The following PLXNC1 variants were observed in gnomAD, a reference collection of about 807,000 sequenced individuals.
PLXNC1 encodes plexin C1, also known as plexin-C1.
PLXNC1 carries 75 observed loss-of-function variants against 178.2 expected under a neutral mutation model. The ratio of observed to expected loss-of-function variants is 0.42; its 90% CI spans 0.35 to 0.51. The LOEUF (loss-of-function observed/expected upper bound fraction) is 0.51. PLXNC1 is among the 20% of genes least tolerant of loss of function. PLXNC1 has a pLI of 0.02. For missense variants in PLXNC1, 1,503 were observed against 1,984.4 expected (o/e 0.76, Z 4.61); for synonymous variants, 790 against 779.9 (o/e 1.01, Z -0.22).
At chr12:94,262,978 G>C (rs1965040519) in intron 20 of PLXNC1, among the ~76,000 whole-genome samples, 1 of 152,148 alleles carries the variant, frequency 6.6e-6, no homozygotes, top group African/African-American at 2.4e-5. Flanking sequence ...TGCTACTGTG[G>C]GACAGCACCA....
chr12:94,234,685 C>T (rs780166604), intron 9 of PLXNC1, among the ~76,000 whole-genome samples: 30 of 152,136 alleles, frequency 2.0e-4, no homozygotes, highest in African/African-American at 6.5e-4. Flanking sequence ...AGGAATCCCA[C>T]GATAGGGCTC....
chr12:94,256,969 A>G (rs919818042), intron 17 of PLXNC1, among the ~76,000 whole-genome samples: 5 of 152,202 alleles, frequency 3.3e-5, no homozygotes, highest in Non-Finnish European at 5.9e-5. Flanking sequence ...AACAACTGGG[A>G]AAGTCATAAA....
intron 4 of PLXNC1, among the ~76,000 whole-genome samples, chr12:94,198,660 C>T (rs1246016954): frequency 6.6e-6 from 1 of 152,190 alleles, no homozygotes; most frequent in Non-Finnish European, 1.5e-5. Context: ...CAGAGCCGGG[C>T]TCCCTCTGGA....
intron 4 of PLXNC1, among the ~76,000 whole-genome samples, chr12:94,199,560 T>C (rs989697842): frequency 6.6e-6 from 1 of 152,120 alleles, no homozygotes; most frequent in African/African-American, 2.4e-5. Context: ...TGGAAGGGAT[T>C]TGGGGGGCTT....
chr12:94,220,159 C>A lies in PLXNC1; in HGVS notation c.1698C>A (p.Tyr566Ter). The stretch of plus-strand genomic sequence containing the variant: ...GTAGCATCCCAACCAGAGCAACCTA[C>A]AAAGGTATGTGGATTCTTCTGGGTT... ...CTCSIPTRAT[Y>*]KDVSVVNVMF... The change falls in exon 6 of 31, where the codon TAC becomes TAA. Residue 566 changes from tyrosine (Y) to a stop codon, truncating the protein, a stop_gained. Transcript: ENST00000258526. LOFTEE classifies it high-confidence loss of function. The A allele has an allele frequency of 6.2e-7, 1 of 1,613,188 alleles. No homozygotes were observed. The highest frequency in any genetic ancestry group is 8.5e-7 in the Non-Finnish European group (1 of 1,179,502).
chr12:94,220,331 C>T (rs1963759697), intron 6 of PLXNC1, among the ~76,000 whole-genome samples, 168 bp downstream of exon 6: 1 of 152,130 alleles, frequency 6.6e-6, no homozygotes. Flanking sequence ...TCTGGTTTAC[C>T]TCATTCATTT....
intron 20 of PLXNC1, among the ~76,000 whole-genome samples, chr12:94,263,285 C>A (rs1047247711): frequency 6.6e-6 from 1 of 151,612 alleles, no homozygotes; most frequent in African/African-American, 2.4e-5. Flanking sequence ...CTCTGTAGGT[C>A]TAGAGTGGAG....
In PLXNC1 at chr12:94,305,170, A is replaced by T. The variant is rs1221353284; in HGVS notation, c.4603-11A>T. ...CACAATATCTAAAATAACTGTTCTAATTGTCAACAGATTCTAAATAAACTA... is the reference window on the plus strand; with the variant it reads ...CACAATATCTAAAATAACTGTTCTATTTGTCAACAGATTCTAAATAAACTA... On this transcript the variant is annotated splice_polypyrimidine_tract_variant and intron_variant, in intron 30 of 30. Coordinates refer to ENST00000258526, the MANE Select transcript of PLXNC1 (RefSeq NM_005761.3). The T allele has an allele frequency of 6.4e-7, 1 of 1,556,632 alleles. No individual in the cohort carries two copies. The highest frequency in any genetic ancestry group is 8.8e-7 in the Non-Finnish European group (1 of 1,131,516).
intron 1 of PLXNC1, among the ~76,000 whole-genome samples, chr12:94,164,489 C>T (rs572302496): frequency 5.3e-5 from 8 of 152,202 alleles, no homozygotes; most frequent in Admixed American, 2.0e-4. Context: ...AGGGGCAGGG[C>T]CAAGCTGTGG....
At chr12:94,246,999 C>T (rs969290964) in intron 12 of PLXNC1, among the ~76,000 whole-genome samples, 5 of 152,138 alleles carry the variant, frequency 3.3e-5, no homozygotes, top group African/African-American at 1.2e-4. Context: ...AACCCACCAG[C>T]CTCCTCTGCC....
intron 5 of PLXNC1, among the ~76,000 whole-genome samples, chr12:94,217,999 A>C (rs1963692446): frequency 6.6e-6 from 1 of 152,216 alleles, no homozygotes; most frequent in African/African-American, 2.4e-5. Context: ...GAAACTTTAA[A>C]AGAGTTGGTG....
rs1969198487 is a variant in PLXNC1, at chr12:94,307,659, ATTTTGATG to A, written c.*2376_*2383del. On this transcript the variant is annotated 3_prime_UTR_variant, in exon 31 of 31. Transcript: ENST00000258526. ...AAATGTCTATATCCAAAAAATAAAC[ATTTTGATG>A]TAACTGTGGACTGTCTTTTTTTTTT... 1 of 147,890 alleles carries A rather than the reference ATTTTGATG, an allele frequency of 6.8e-6. No homozygotes were observed. Among genetic ancestry groups the A allele is most frequent in the Non-Finnish European group, 1.5e-5 (1 of 67,278 alleles). The allele number at this position is 147,890 out of a possible 1,614,324, so 9.2% of individuals were successfully genotyped here. A position where few individuals can be genotyped will look rare whatever the true frequency, so the allele number is the denominator to read the frequency against.
chr12:94,225,226 G>A (rs760691664), intron 7 of PLXNC1, among the ~76,000 whole-genome samples: 8 of 152,238 alleles, frequency 5.3e-5, no homozygotes, highest in Non-Finnish European at 8.8e-5. Flanking sequence ...TTGGGAGGCT[G>A]CATGAGTAGC....
chr12:94,305,248 T>A lies in PLXNC1; in HGVS notation c.4670T>A (p.Val1557Asp). 1 of 1,611,200 alleles carries A rather than the reference T, an allele frequency of 6.2e-7. No homozygotes were observed. Among genetic ancestry groups the A allele is most frequent in the Non-Finnish European group, 8.5e-7 (1 of 1,178,078 alleles). ...CAGAAACAACTCTTGCATGTAAAAG[T>A]CTTATTTGATGAAAAGAAGAAATGC... ...EAQKQLLHVK[V>D]LFDEKKKCKW... The change falls in exon 31 of 31, where the codon GTC becomes GAC. Residue 1557 changes from valine (V) to aspartate (D), a missense_variant. Transcript: ENST00000258526.
At chr12:94,267,532 T>C (rs1965313933) in intron 21 of PLXNC1, among the ~76,000 whole-genome samples, 1 of 152,150 alleles carries the variant, frequency 6.6e-6, no homozygotes, top group South Asian at 2.1e-4. Flanking sequence ...TCCACATAAA[T>C]CTTCCTTTTC....
chr12:94,155,309 C>T (rs2097920647), intron 1 of PLXNC1, among the ~76,000 whole-genome samples: 1 of 152,200 alleles, frequency 6.6e-6, no homozygotes, highest in African/African-American at 2.4e-5. Flanking sequence ...CACCTGGGAA[C>T]TTGCTAGAAA....
In PLXNC1 at chr12:94,307,069, A is replaced by AAACTC. The variant is rs1480849499; in HGVS notation, c.*1787_*1791dup. 2 of 152,160 alleles carry AAACTC rather than the reference A, an allele frequency of 1.3e-5. No homozygotes were observed. The highest frequency in any genetic ancestry group is 1.9e-4 in the East Asian group (1 of 5,194). The allele number at this position is 152,160 out of a possible 1,614,324, so 9.4% of individuals were successfully genotyped here. On this transcript the variant is annotated 3_prime_UTR_variant, in exon 31 of 31. Coordinates refer to ENST00000258526, the MANE Select transcript of PLXNC1 (RefSeq NM_005761.3). Reference sequence around the variant, plus strand: ...TTCCCCTACTACTTTAGGGTACTGAAAACTCAAAGGATCAGCTACAGCTTT... The same window carrying AAACTC: ...TTCCCCTACTACTTTAGGGTACTGAAAACTCAACTCAAAGGATCAGCTACAGCTTT...
At chr12:94,236,557 A>G (rs140940696) in intron 9 of PLXNC1, among the ~76,000 whole-genome samples, 1 of 152,324 alleles carries the variant, frequency 6.6e-6, no homozygotes, top group Non-Finnish European at 1.5e-5. Context: ...CAGCATTTAG[A>G]ATTTCACCAA....
chr12:94,149,809 T>A lies in PLXNC1; in HGVS notation c.838T>A (p.Ser280Thr). 1 of 1,604,160 alleles carries A rather than the reference T, an allele frequency of 6.2e-7. No homozygotes were observed. The highest frequency in any genetic ancestry group is 1.3e-5 in the African/African-American group (1 of 74,794). Reference sequence around the variant, plus strand: ...CGAGGTGCTGTTCCAGGGCCAGGCATCCCTCGACTGCGGCCACGGCCACCC... The same window carrying A: ...CGAGGTGCTGTTCCAGGGCCAGGCAACCCTCGACTGCGGCCACGGCCACCC... ...STEVLFQGQA[S>T]LDCGHGHPDG... The change falls in exon 1 of 31, where the codon TCC (serine) becomes ACC (threonine). Residue 280 changes from serine (S) to threonine (T), a missense_variant. Around this residue, in one of 4 missense-constraint regions of PLXNC1, gnomAD observed 615 missense variants for 698.6 expected, o/e 0.88. Coordinates refer to ENST00000258526, the MANE Select transcript of PLXNC1 (RefSeq NM_005761.3).
Sources: gnomAD v4.1 joint callset for allele counts (sites outside exome capture counted in the v4.1 genomes callset) on GRCh38, gnomAD v4.1.1 for gene constraint, gnomAD v4.1.1 regional missense constraint, MANE v1.5 for transcripts, NCBI Gene and HGNC (gene_info 2026-07-23, HGNC 2026-07-21) for gene names.